PABPC4L: variants seen among roughly 807,000 people sequenced by gnomAD.
The protein encoded by PABPC4L is poly(A) binding protein cytoplasmic 4 like.
For missense variants in PABPC4L, 452 were observed against 451.4 expected, an observed-to-expected ratio of 1.00 and a Z score of -0.01; for synonymous variants, 169 against 164.1, an observed-to-expected ratio of 1.03 and a Z score of -0.23.
the PABPC4L span, among the ~76,000 whole-genome samples, chr4:133,968,237 C>T: frequency 6.6e-6 from 1 of 152,156 alleles, no homozygotes; most frequent in African/African-American, 2.4e-5. Flanking sequence ...ACTCCAAGTT[C>T]CCTTGGAAAG....
At chr4:134,006,813 G>A in the PABPC4L span, among the ~76,000 whole-genome samples, 7 of 151,532 alleles carry the variant, frequency 4.6e-5, no homozygotes, top group Non-Finnish European at 5.9e-5. Flanking sequence ...TTCAAAACTC[G>A]TATGGAGAAA....
the PABPC4L span, among the ~76,000 whole-genome samples, chr4:134,001,727 T>G: frequency 6.6e-6 from 1 of 152,260 alleles, no homozygotes; most frequent in East Asian, 1.9e-4. Flanking sequence ...ACATACATAC[T>G]ATATAAAATA....
chr4:134,180,956 G>A, the PABPC4L span, among the ~76,000 whole-genome samples: 1 of 151,804 alleles, frequency 6.6e-6, no homozygotes, highest in Non-Finnish European at 1.5e-5. Flanking sequence ...GATAAATAAA[G>A]GAGAGGTGGT....
Position 134,200,215 on chromosome 4 carries a change from CTTTCT to C in PABPC4L, c.800_804del (p.Lys267SerfsTer6). ...TGCTTTAACTCAGCCTGTCGCTCGA[CTTTCT>C]TTTGAGCCCGGCCTACAAAAATCAG... On this transcript the variant is annotated frameshift_variant, in exon 2 of 2. Transcript: ENST00000421491. LOFTEE classifies it low-confidence loss of function (END_TRUNC). The C allele has an allele frequency of 5.2e-6, 8 of 1,551,792 alleles. 1 individual carries two copies. Among genetic ancestry groups the C allele is most frequent in the Admixed American group, 2.0e-5 (1 of 51,022 alleles).
chr4:133,958,215 T>C, the PABPC4L span, among the ~76,000 whole-genome samples: 48 of 152,310 alleles, frequency 3.2e-4, 1 homozygote, highest in African/African-American at 1.2e-3. Flanking sequence ...TTCAAAGTTT[T>C]ACAGATCTCT....
At chr4:134,025,071 C>T in the PABPC4L span, among the ~76,000 whole-genome samples, 1 of 150,642 alleles carries the variant, frequency 6.6e-6, no homozygotes, top group Non-Finnish European at 1.5e-5. Flanking sequence ...TGGCTCACAC[C>T]TGTAATCCCA....
the PABPC4L span, among the ~76,000 whole-genome samples, chr4:134,122,710 C>G: frequency 6.6e-6 from 1 of 151,850 alleles, no homozygotes; most frequent in Admixed American, 6.6e-5. Flanking sequence ...TAAAGTCTCT[C>G]TAATTTGCTT....
the PABPC4L span, among the ~76,000 whole-genome samples, chr4:134,002,998 C>T: frequency 6.6e-6 from 1 of 151,752 alleles, no homozygotes. Flanking sequence ...GTAAAATTAC[C>T]CTAAATCACT....
chr4:134,100,460 G>A, the PABPC4L span, among the ~76,000 whole-genome samples: 3 of 151,440 alleles, frequency 2.0e-5, no homozygotes, highest in Non-Finnish European at 4.4e-5. Flanking sequence ...AAAAAAATAC[G>A]TTCATTTCAC....
the PABPC4L span, among the ~76,000 whole-genome samples, chr4:134,140,773 T>C: frequency 6.6e-6 from 1 of 151,884 alleles, no homozygotes; most frequent in East Asian, 1.9e-4. Flanking sequence ...AGTTTGATTA[T>C]GTTGAGCATA....
At chr4:134,092,662 C>T in the PABPC4L span, among the ~76,000 whole-genome samples, 1 of 151,958 alleles carries the variant, frequency 6.6e-6, no homozygotes, top group African/African-American at 2.4e-5. Context: ...TGCTGTGGGC[C>T]AGTACAAGAA....
At chr4:134,185,956 A>T in the PABPC4L span, among the ~76,000 whole-genome samples, 1 of 152,202 alleles carries the variant, frequency 6.6e-6, no homozygotes, top group Non-Finnish European at 1.5e-5. Flanking sequence ...AGACAATAAA[A>T]TACCTACGAA....
chr4:134,084,491 G>C, the PABPC4L span, among the ~76,000 whole-genome samples: 1 of 151,872 alleles, frequency 6.6e-6, no homozygotes, highest in Middle Eastern at 3.4e-3. Context: ...CAAATTGATG[G>C]ATTTTTTTTT....
the PABPC4L span, among the ~76,000 whole-genome samples, chr4:134,020,449 G>A: frequency 6.6e-6 from 1 of 152,014 alleles, no homozygotes; most frequent in Admixed American, 6.6e-5. Context: ...AGGATATCTG[G>A]ACACACCCAG....
At chr4:134,114,817 A>G in the PABPC4L span, among the ~76,000 whole-genome samples, 2 of 151,924 alleles carry the variant, frequency 1.3e-5, no homozygotes, top group East Asian at 3.9e-4. Flanking sequence ...TTAAAGTTAC[A>G]CCAATTAAAG....
At chr4:134,050,706 C>CAAAAAA in the PABPC4L span, among the ~76,000 whole-genome samples, 9,482 of 81,446 alleles carry the variant, frequency 0.12, 634 homozygotes, top group African/African-American at 0.26. Flanking sequence ...CACCGTCTCC[C>CAAAAAA]AAAAAAAAAA....
At chr4:134,177,398 T>A in the PABPC4L span, among the ~76,000 whole-genome samples, 1 of 151,808 alleles carries the variant, frequency 6.6e-6, no homozygotes, top group Non-Finnish European at 1.5e-5. Flanking sequence ...ATAGTCTTGA[T>A]CTCTTGAACT....
the PABPC4L span, among the ~76,000 whole-genome samples, chr4:134,023,283 A>G: frequency 4.6e-5 from 7 of 152,186 alleles, no homozygotes; most frequent in Non-Finnish European, 1.0e-4. Flanking sequence ...GCAATTTACC[A>G]AGTCTAAACT....
the PABPC4L span, among the ~76,000 whole-genome samples, chr4:134,080,986 G>A: frequency 6.6e-6 from 1 of 152,100 alleles, no homozygotes; most frequent in Non-Finnish European, 1.5e-5. Flanking sequence ...TATTTTATGA[G>A]TCAGACTCCA....
Sources: allele counts gnomAD v4.1 joint callset (sites outside exome capture counted in the v4.1 genomes callset), GRCh38; gene constraint gnomAD v4.1.1; transcripts MANE v1.5; gene names NCBI Gene and HGNC (gene_info 2026-07-23, HGNC 2026-07-21).